TBL1X: variants seen among roughly 807,000 people sequenced by gnomAD.
TBL1X encodes F-box-like/WD repeat-containing protein TBL1X.
A neutral mutation model predicts 50.7 loss-of-function variants in TBL1X; 10 were observed. That is an observed-to-expected ratio of 0.20 (90% CI 0.12 to 0.33). The LOEUF is 0.33. Ranked by LOEUF, TBL1X falls within the 10% of genes least tolerant of loss-of-function variation. The pLI, the probability that TBL1X is intolerant of heterozygous loss-of-function variation, is 1.00. For synonymous variants in TBL1X, 190 were observed against 214.7 expected (o/e 0.88, Z 1.01); for missense variants, 340 against 504.4 (o/e 0.67, Z 3.12).
intron 5 of TBL1X, among the ~76,000 whole-genome samples, chrX:9,669,751 C>CCA (rs199843900): frequency 0.012 from 1,351 of 111,787 alleles, 42 homozygotes; most frequent in Admixed American, 0.092. Flanking sequence ...CCCACTATGC[C>CCA]CACTGTCAGC....
At chrX:9,482,661 C>T (rs1180177240) in intron 1 of TBL1X, among the ~76,000 whole-genome samples, 2 of 111,133 alleles carry the variant, frequency 1.8e-5, no homozygotes, top group Middle Eastern at 4.2e-3. Flanking sequence ...ACCCCTGCAA[C>T]TATGCCCCCT....
intron 2 of TBL1X, among the ~76,000 whole-genome samples, chrX:9,588,155 T>C (rs2082480925): frequency 8.9e-6 from 1 of 112,128 alleles, no homozygotes; most frequent in Admixed American, 9.4e-5. Flanking sequence ...TACATGACAT[T>C]GACATTGTAT....
chrX:9,699,025 G>A (rs2083152374), intron 12 of TBL1X, among the ~76,000 whole-genome samples: 1 of 111,668 alleles, frequency 9.0e-6, no homozygotes, highest in Non-Finnish European at 1.9e-5. Context: ...CTGTCACCCA[G>A]GTTGGAGTGC....
chrX:9,668,274 C>T (rs780905086), intron 5 of TBL1X, among the ~76,000 whole-genome samples: 3 of 110,072 alleles, frequency 2.7e-5, no homozygotes, highest in East Asian at 5.7e-4. Context: ...TTGTGTTGCT[C>T]CTTTTCAGAA....
In TBL1X at chrX:9,715,179, T is replaced by C. The variant is rs750201911; in HGVS notation, c.1707+176T>C. 3.6e-5 allele frequency among the ~76,000 whole-genome samples: 4 copies of C among 112,104 alleles called. No individual in the cohort carries two copies. In the East Asian group the frequency reaches 1.1e-3, roughly 32 times the overall value. On this transcript the variant is annotated intron_variant, in intron 17 of 17. Coordinates refer to ENST00000645353, the MANE Select transcript of TBL1X (RefSeq NM_005647.4). ...CCACATCTGGGAATGGCCTTCTCCT[T>C]GTCCCTTCCAGAGTGTCCTTCTAGT...
chrX:9,604,404 C>T (rs1289158062), intron 2 of TBL1X, among the ~76,000 whole-genome samples: 3 of 110,484 alleles, frequency 2.7e-5, no homozygotes, highest in Non-Finnish European at 5.7e-5. Context: ...TTCACTTTCC[C>T]CCCCTTTTTT....
chrX:9,691,449 A>AG, intron 7 of TBL1X, 130 bp from the exon 8 acceptor site: 3 of 710,423 alleles, frequency 4.2e-6, no homozygotes, highest in Admixed American at 4.3e-5. Context: ...AAAAAAAAAA[A>AG]AAAAAGAAAA....
At chrX:9,653,314 T>C (rs1204241559) in intron 3 of TBL1X, among the ~76,000 whole-genome samples, 1 of 112,663 alleles carries the variant, frequency 8.9e-6, no homozygotes, top group Non-Finnish European at 1.9e-5. Context: ...GCTTGTTCCC[T>C]TTGGGCTGGT....
At chrX:9,691,850 G>A (rs1339412658) in intron 8 of TBL1X, 139 bp downstream of exon 8, 1 of 903,096 alleles carries the variant, frequency 1.1e-6, no homozygotes, top group Non-Finnish European at 1.5e-6. Context: ...AGGAATGGGT[G>A]GCTCTATGAG....
chrX:9,656,303 A>G (rs2082864704), intron 5 of TBL1X, among the ~76,000 whole-genome samples: 1 of 112,318 alleles, frequency 8.9e-6, no homozygotes, highest in Non-Finnish European at 1.9e-5. Context: ...ACACCTCTGC[A>G]CAAGGACACG....
chrX:9,703,006 AC>A (rs2083184182), intron 12 of TBL1X, among the ~76,000 whole-genome samples: 1 of 111,249 alleles, frequency 9.0e-6, no homozygotes, highest in Non-Finnish European at 1.9e-5. Context: ...GTAAGGCATT[AC>A]CCCCTTAAAT....
chrX:9,688,562 A>G (rs1294002829), intron 7 of TBL1X, among the ~76,000 whole-genome samples: 1 of 112,595 alleles, frequency 8.9e-6, no homozygotes, highest in African/African-American at 3.2e-5. Flanking sequence ...GATAAACAAA[A>G]GTGTTTCATT....
intron 12 of TBL1X, among the ~76,000 whole-genome samples, chrX:9,701,863 A>G (rs2083175910): frequency 8.9e-6 from 1 of 111,961 alleles, no homozygotes; most frequent in South Asian, 3.7e-4. Context: ...AAATGCGTCA[A>G]GAACTGTGGG....
intron 1 of TBL1X, among the ~76,000 whole-genome samples, chrX:9,477,315 T>G (rs2081854971): frequency 8.9e-6 from 1 of 112,129 alleles, no homozygotes; most frequent in Admixed American, 9.5e-5. Context: ...CTTCTCTAAT[T>G]TCCTGTTTTG....
At chrX:9,594,940 A>T (rs2082520194) in intron 2 of TBL1X, among the ~76,000 whole-genome samples, 1 of 111,823 alleles carries the variant, frequency 8.9e-6, no homozygotes, top group Non-Finnish European at 1.9e-5. Context: ...ATTTGCATTT[A>T]ATCTGTTTGG....
chrX:9,532,541 G>A (rs1355143108), intron 2 of TBL1X, among the ~76,000 whole-genome samples: 1 of 111,130 alleles, frequency 9.0e-6, no homozygotes, highest in Non-Finnish European at 1.9e-5. Flanking sequence ...CTGGCACTGG[G>A]CCCGCGGGCT....
intron 1 of TBL1X, among the ~76,000 whole-genome samples, chrX:9,498,910 G>C (rs2146948215): frequency 8.9e-6 from 1 of 112,223 alleles, no homozygotes; most frequent in Admixed American, 9.4e-5. Context: ...ACATCTATCA[G>C]GCTGCTTTGC....
At chrX:9,537,054 A>G (rs924951182) in intron 2 of TBL1X, among the ~76,000 whole-genome samples, 1 of 111,785 alleles carries the variant, frequency 8.9e-6, no homozygotes, top group Non-Finnish European at 1.9e-5. Flanking sequence ...AGAGTTACCA[A>G]AGACCTCTCA....
At chrX:9,676,642 C>T (rs1044306354) in intron 5 of TBL1X, among the ~76,000 whole-genome samples, 1 of 111,951 alleles carries the variant, frequency 8.9e-6, no homozygotes, top group African/African-American at 3.3e-5. Flanking sequence ...GGTGGGTCAT[C>T]TCAAACAGGT....
Sources: gnomAD v4.1 joint callset for allele counts (sites outside exome capture counted in the v4.1 genomes callset) on GRCh38, gnomAD v4.1.1 for gene constraint, MANE v1.5 for transcripts, NCBI Gene and HGNC (gene_info 2026-07-23, HGNC 2026-07-21) for gene names.